Variants in XRN2 observed in about 807,000 individuals in gnomAD.
XRN2 encodes 5'-3' exoribonuclease 2, also known as DHM1-like protein.
XRN2 carries 44 observed loss-of-function variants against 138.5 expected under a neutral mutation model. The ratio of observed to expected loss-of-function variants is 0.32; its 90% CI spans 0.25 to 0.41. XRN2 has a LOEUF of 0.41. Ranked by LOEUF, XRN2 falls within the 10% of genes least tolerant of loss-of-function variation. The pLI is 1.00. For missense variants in XRN2, 937 were observed against 1,169.3 expected, an observed-to-expected ratio of 0.80 and a Z score of 2.90; for synonymous variants, 354 against 369.4, an observed-to-expected ratio of 0.96 and a Z score of 0.48.
rs920312760 is a variant in XRN2, at chr20:21,319,526, G to A, written c.76-6753G>A. Among the ~76,000 whole-genome samples, 10 of 151,662 alleles carry A rather than the reference G, an allele frequency of 6.6e-5. 1 individual carries two copies. Among genetic ancestry groups the A allele is most frequent in the Admixed American group, 3.9e-4 (6 of 15,224 alleles). ...AAATTTTTTTCTTTTCTTATTCAGT[G>A]GCCAGTTACTAGAAGGATTCTAAAT... On this transcript the variant is annotated intron_variant, in intron 1 of 29. Coordinates refer to ENST00000377191, the MANE Select transcript of XRN2 (RefSeq NM_012255.5).
chr20:21,383,595 T>C (rs140631990), intron 28 of XRN2, among the ~76,000 whole-genome samples: 1 of 152,312 alleles, frequency 6.6e-6, no homozygotes, highest in Non-Finnish European at 1.5e-5. Context: ...GAATATTTAC[T>C]CTGAGCGTAA....
At chr20:21,373,845 A>G (rs988080385) in intron 27 of XRN2, among the ~76,000 whole-genome samples, 2 of 151,978 alleles carry the variant, frequency 1.3e-5, no homozygotes, top group African/African-American at 4.8e-5. Context: ...TTTGTTTTGT[A>G]GGCGTTCTTA....
Position 21,386,863 on chromosome 20 carries a change from T to C in XRN2, c.2649-5T>C. On this transcript the variant is annotated splice_polypyrimidine_tract_variant and splice_region_variant and intron_variant, in intron 28 of 29. Coordinates refer to ENST00000377191, the MANE Select transcript of XRN2 (RefSeq NM_012255.5). ...TTCTGATGTAAAACTGGTACTTTCC[T>C]ACAGAGGCGTTGGGGCTGAACCTCT... 1 of 1,609,036 alleles carries C rather than the reference T, an allele frequency of 6.2e-7. No homozygotes were observed. The highest frequency in any genetic ancestry group is 8.5e-7 in the Non-Finnish European group (1 of 1,175,848).
At chr20:21,356,204 A>C in intron 22 of XRN2, 27 bp downstream of exon 22, 1 of 1,557,224 alleles carries the variant, frequency 6.4e-7, no homozygotes, top group East Asian at 2.3e-5. Context: ...GGTTAATTAG[A>C]AATGCACTTT....
rs556461751 is a variant in XRN2 at position 21,376,607 on chromosome 20, T to C, written c.2585-5387T>C. Among the ~76,000 whole-genome samples the C allele has an allele frequency of 1.1e-4, 17 of 152,190 alleles. 1 individual carries two copies. Among genetic ancestry groups the C allele is most frequent in the African/African-American group, 3.9e-4 (16 of 41,518 alleles). On this transcript the variant is annotated intron_variant, in intron 27 of 29. Coordinates refer to ENST00000377191, the MANE Select transcript of XRN2 (RefSeq NM_012255.5). ...CACAACTCTGTGGGTTAAGGAGAGA[T>C]GATGAGGGTCTGAACTACACTGGCA... is the stretch of plus-strand genomic sequence containing the variant.
In XRN2 at chr20:21,333,502, A is replaced by T. The variant is rs779375969; in HGVS notation, c.859-42A>T. The T allele has an allele frequency of 4.4e-6, 7 of 1,597,292 alleles. No homozygotes were observed. In the East Asian group the frequency reaches 1.6e-4, roughly 36 times the overall value. On this transcript the variant is annotated intron_variant, in intron 9 of 29. Coordinates refer to ENST00000377191, the MANE Select transcript of XRN2 (RefSeq NM_012255.5). Reference sequence around the variant, plus strand: ...TTGCTTGGTTGGAAAAAATTACTGGACGTAGAGTAGACTTGTTTCATCTTC... The same window carrying T: ...TTGCTTGGTTGGAAAAAATTACTGGTCGTAGAGTAGACTTGTTTCATCTTC...
intron 1 of XRN2, among the ~76,000 whole-genome samples, chr20:21,323,001 C>A (rs150370551): frequency 3.5e-4 from 54 of 152,280 alleles, no homozygotes; most frequent in African/African-American, 1.2e-3. Context: ...TCTCAAGTTG[C>A]CTGGTTCACA....
At position 21,368,443 on chromosome 20, in the gene XRN2, T is replaced by C; in HGVS notation, c.2457-20T>C. ...ATATCACTATACAATTTTTTTTTCT[T>C]GTGTTGGGTCCTTTTATAGCCATGT... On this transcript the variant is annotated intron_variant, in intron 26 of 29. Transcript: ENST00000377191. The C allele has an allele frequency of 6.2e-7, 1 of 1,612,228 alleles. No homozygotes were observed. The highest frequency in any genetic ancestry group is 8.5e-7 in the Non-Finnish European group (1 of 1,179,374).
At chr20:21,377,736 T>G (rs1007883929) in intron 27 of XRN2, among the ~76,000 whole-genome samples, 6 of 152,140 alleles carry the variant, frequency 3.9e-5, no homozygotes, top group South Asian at 2.1e-4. Flanking sequence ...GGAAGAGAGA[T>G]AGAGGGCAAG....
chr20:21,359,806 A>T (rs567622589), intron 24 of XRN2, among the ~76,000 whole-genome samples: 231 of 152,244 alleles, frequency 1.5e-3, no homozygotes, highest in African/African-American at 5.3e-3. Flanking sequence ...ACTTTAACTT[A>T]CAATTTTCAG....
At chr20:21,363,217 T>G (rs959237083) in intron 24 of XRN2, among the ~76,000 whole-genome samples, 1 of 152,168 alleles carries the variant, frequency 6.6e-6, no homozygotes, top group Non-Finnish European at 1.5e-5. Context: ...CATTTTCCAC[T>G]TTCTTCCTTA....
At chr20:21,314,773 C>A (rs1354400430) in intron 1 of XRN2, among the ~76,000 whole-genome samples, 2 of 152,102 alleles carry the variant, frequency 1.3e-5, no homozygotes, top group African/African-American at 4.8e-5. Context: ...TCCAATTTTT[C>A]CACATTTTTG....
intron 20 of XRN2, among the ~76,000 whole-genome samples, chr20:21,353,137 T>G (rs1300676608): frequency 6.8e-6 from 1 of 146,460 alleles, no homozygotes; most frequent in Non-Finnish European, 1.5e-5. Context: ...ATATTTAATA[T>G]ATAATATTTA....
chr20:21,383,637 A>G (rs2038908936), intron 28 of XRN2, among the ~76,000 whole-genome samples: 1 of 152,176 alleles, frequency 6.6e-6, no homozygotes. Context: ...AAGGAAGTAA[A>G]GGATCTGTTT....
intron 27 of XRN2, among the ~76,000 whole-genome samples, chr20:21,379,179 T>A (rs997993275): frequency 6.6e-6 from 1 of 152,192 alleles, no homozygotes; most frequent in Non-Finnish European, 1.5e-5. Flanking sequence ...AAGGGATAAG[T>A]TTTTAAAGAC....
Position 21,365,600 on chromosome 20 carries a change from T to C in XRN2, c.2352T>C (p.Ser784=). The change falls in exon 26 of 30, where the codon AGT becomes AGC. Residue 784 remains serine (S), a synonymous_variant. Transcript: ENST00000377191. The stretch of plus-strand genomic sequence containing the variant: ...AGCCAGCAGCAGTACTGAAACCTAG[T>C]GACTGGGAAAAATCCAGCAATGGAC... ...ARKPAAVLKP[S]DWEKSSNGRQ... 1.2e-6 allele frequency: 2 copies of C among 1,613,398 alleles called. No homozygotes were observed. Among genetic ancestry groups the C allele is most frequent in the Non-Finnish European group, 1.7e-6 (2 of 1,179,928 alleles).
chr20:21,348,212 A>G lies in XRN2; in HGVS notation c.1732A>G (p.Ile578Val), dbSNP rs2038462265. ...YAPFASDFEG[I>V]ADMPSDFEKG... ...ACCATTTGCTTCAGACTTTGAAGGC[A>G]TTGCAGACATGCCATCTGATTTTGA... Residue 578 changes from isoleucine to valine, a missense_variant, in exon 18 of 30, where the codon ATT becomes GTT. Ile to Val is a conservative substitution (Grantham distance 29). This residue lies in a region of XRN2 where 471 missense variants were observed against 581.2 expected (regional missense o/e 0.81). Coordinates refer to ENST00000377191, the MANE Select transcript of XRN2 (RefSeq NM_012255.5). 1.2e-6 allele frequency: 2 copies of G among 1,613,976 alleles called. No homozygotes were observed. Among genetic ancestry groups the G allele is most frequent in the South Asian group, 1.1e-5 (1 of 91,056 alleles).
At chr20:21,336,030 A>G (rs988769128) in intron 13 of XRN2, among the ~76,000 whole-genome samples, 1 of 152,202 alleles carries the variant, frequency 6.6e-6, no homozygotes, top group Non-Finnish European at 1.5e-5. Flanking sequence ...ACAGATTTCC[A>G]AAGGAGTTCA....
At chr20:21,319,520 T>C (rs2038008796) in intron 1 of XRN2, among the ~76,000 whole-genome samples, 1 of 152,142 alleles carries the variant, frequency 6.6e-6, no homozygotes, top group South Asian at 2.1e-4. Context: ...TCTTTTCTTA[T>C]TCAGTGGCCA....
Sources: gnomAD v4.1 joint callset for allele counts (sites outside exome capture counted in the v4.1 genomes callset) on GRCh38, gnomAD v4.1.1 for gene constraint, gnomAD v4.1.1 regional missense constraint, MANE v1.5 for transcripts, NCBI Gene and HGNC (gene_info 2026-07-23, HGNC 2026-07-21) for gene names.